The following LARGE1 variants were observed in gnomAD, a reference collection of about 807,000 sequenced individuals.
LARGE1 encodes LARGE xylosyl- and glucuronyltransferase 1.
A neutral mutation model predicts 87.6 loss-of-function variants in LARGE1; 43 were observed. The ratio of observed to expected loss-of-function variants is 0.49; its 90% CI spans 0.38 to 0.63. The LOEUF (loss-of-function observed/expected upper bound fraction) is 0.63. Among genes scored for constraint, LARGE1 ranks in the 30% least tolerant of loss-of-function variants. The pLI is 0.00. For synonymous variants in LARGE1, 434 were observed against 394.6 expected, an observed-to-expected ratio of 1.10 and a Z score of -1.18; for missense variants, 802 against 1,000.2, an observed-to-expected ratio of 0.80 and a Z score of 2.67.
At position 33,330,280 on chromosome 22, in the gene LARGE1, A is replaced by G. The variant is rs373953901; in HGVS notation, c.1287+7366T>C. On this transcript the variant is annotated intron_variant, in intron 10 of 14. Transcript: ENST00000397394. Reference sequence around the variant, plus strand: ...CTCTGATTATCCAACTATGTTCTGGAAGAGTCCTGGGGTTTCTTGGATATT... The same window carrying G: ...CTCTGATTATCCAACTATGTTCTGGGAGAGTCCTGGGGTTTCTTGGATATT... 4.6e-5 allele frequency among the ~76,000 whole-genome samples: 7 copies of G among 152,262 alleles called. No individual in the cohort carries two copies. In the South Asian group the frequency reaches 1.5e-3, roughly 32 times the overall value.
At chr22:33,684,523 G>A (rs965262732) in intron 2 of LARGE1, among the ~76,000 whole-genome samples, 1 of 151,996 alleles carries the variant, frequency 6.6e-6, no homozygotes, top group African/African-American at 2.4e-5. Context: ...CCTGAGTCAC[G>A]CTGCCTATTA....
In LARGE1 at chr22:33,210,626, C is replaced by T. The variant is rs112598382; in HGVS notation, c.1731-43794G>A. On this transcript the variant is annotated intron_variant, in intron 11 of 11. Transcript: ENST00000608642. ...CCCTTAAGTCACCGGCAGACGTGGC[C>T]TGATGGCACCTAGCCTCAAGCCTGA... Among the ~76,000 whole-genome samples the T allele has an allele frequency of 8.5e-5, 13 of 152,390 alleles. No individual in the cohort carries two copies. In the East Asian group the frequency reaches 1.9e-3, roughly 23 times the overall value.
intron 2 of LARGE1, among the ~76,000 whole-genome samples, chr22:33,667,101 A>G (rs1166918727): frequency 6.6e-6 from 1 of 152,244 alleles, no homozygotes; most frequent in Non-Finnish European, 1.5e-5. Flanking sequence ...TATAAGGGTT[A>G]TAATTACTCA....
intron 6 of LARGE1, among the ~76,000 whole-genome samples, chr22:33,554,297 A>G (rs762056): frequency 0.59 from 90,312 of 151,804 alleles, 27,472 homozygotes; most frequent in African/African-American, 0.73. Flanking sequence ...CTGCAGGACC[A>G]CGCACTACAG....
chr22:33,371,110 T>C (rs2064793597), intron 9 of LARGE1, among the ~76,000 whole-genome samples: 1 of 151,268 alleles, frequency 6.6e-6, no homozygotes, highest in South Asian at 2.1e-4. Context: ...ACATGCATTA[T>C]GTTAGATAAT....
intron 1 of LARGE1, among the ~76,000 whole-genome samples, chr22:33,871,747 A>G (rs544086729): frequency 1.2e-4 from 18 of 152,170 alleles, no homozygotes; most frequent in African/African-American, 4.3e-4. Flanking sequence ...TCACTGAAAC[A>G]CTTGATTTTT....
chr22:33,094,004 G>C, the LARGE1 span, among the ~76,000 whole-genome samples: 1 of 151,496 alleles, frequency 6.6e-6, no homozygotes, highest in East Asian at 1.9e-4. Context: ...TGCCTGCCTC[G>C]GTCTCCCAAA....
chr22:33,116,530 A>G, the LARGE1 span, among the ~76,000 whole-genome samples: 9 of 137,408 alleles, frequency 6.5e-5, no homozygotes, highest in Non-Finnish European at 1.3e-4. Flanking sequence ...AATTTTTTGT[A>G]TTTTTTTTTT....
At chr22:33,195,884 A>G (rs1226381083) in intron 11 of LARGE1, among the ~76,000 whole-genome samples, 1 of 150,874 alleles carries the variant, frequency 6.6e-6, no homozygotes, top group Non-Finnish European at 1.5e-5. Context: ...CCTCCCAAGT[A>G]GCTGGGACTA....
chr22:33,327,677 T>C (rs1394394840), intron 10 of LARGE1, among the ~76,000 whole-genome samples: 1 of 152,176 alleles, frequency 6.6e-6, no homozygotes, highest in Non-Finnish European at 1.5e-5. Flanking sequence ...CACCACAACC[T>C]CCTGAGTAGC....
intron 3 of LARGE1, among the ~76,000 whole-genome samples, chr22:33,634,118 G>A (rs941977779): frequency 1.3e-5 from 2 of 152,198 alleles, no homozygotes; most frequent in African/African-American, 4.8e-5. Context: ...TTTCCTGAAT[G>A]AATAAACAGC....
chr22:33,805,904 A>AT (rs2086293974), intron 1 of LARGE1, among the ~76,000 whole-genome samples: 1 of 152,132 alleles, frequency 6.6e-6, no homozygotes, highest in Non-Finnish European at 1.5e-5. Flanking sequence ...CCCTTGCTAC[A>AT]TTTTATGATT....
At chr22:33,270,311 T>TAA (rs11444755), downstream of LARGE1, among the ~76,000 whole-genome samples, 502 of 151,746 alleles carry the variant, frequency 3.3e-3, 1 homozygote, top group African/African-American at 0.012. Flanking sequence ...CCCTTAGGGT[T>TAA]AAAAAAAATG....
At chr22:33,390,106 T>A (rs1398330334) in intron 7 of LARGE1, among the ~76,000 whole-genome samples, 2 of 152,204 alleles carry the variant, frequency 1.3e-5, no homozygotes, top group African/African-American at 4.8e-5. Flanking sequence ...AACCGCAACC[T>A]CTGCCTCTGT....
chr22:33,440,590 C>T (rs2413185), intron 6 of LARGE1, among the ~76,000 whole-genome samples: 96,342 of 152,102 alleles, frequency 0.63, 32,187 homozygotes, highest in African/African-American at 0.86. Context: ...CATTTAATAG[C>T]ACCATTCAAT....
intron 11 of LARGE1, chr22:33,221,900 TAAG>T (rs1925474707): frequency 6.6e-6 from 1 of 152,152 alleles, no homozygotes; most frequent in Non-Finnish European, 1.5e-5. Flanking sequence ...ATGACAGCAA[TAAG>T]AACACCACAG....
Position 33,844,417 on chromosome 22 carries a change from A to G in LARGE1, c.-83+75578T>C, listed in dbSNP as rs537352301. Reference sequence around the variant, plus strand: ...GGAGCTGGGAGCATGCAGTAAGTGCATCTCCAATGGGGCTCTCCTTTCGGT... The same window carrying G: ...GGAGCTGGGAGCATGCAGTAAGTGCGTCTCCAATGGGGCTCTCCTTTCGGT... On this transcript the variant is annotated intron_variant, in intron 1 of 14. Transcript: ENST00000397394. Among the ~76,000 whole-genome samples, 4 of 152,294 alleles carry G rather than the reference A, an allele frequency of 2.6e-5. No individual in the cohort carries two copies. The South Asian group carries it at 8.3e-4, about 32-fold the overall frequency.
intron 1 of LARGE1, among the ~76,000 whole-genome samples, chr22:33,820,213 A>T (rs901951155): frequency 2.6e-5 from 4 of 152,198 alleles, no homozygotes; most frequent in Admixed American, 2.6e-4. Flanking sequence ...GAAAATTTGC[A>T]AAACCCCCCA....
chr22:33,777,535 T>C (rs2085280492), intron 1 of LARGE1, among the ~76,000 whole-genome samples: 1 of 151,232 alleles, frequency 6.6e-6, no homozygotes, highest in African/African-American at 2.4e-5. Context: ...CCCAGCTACT[T>C]GAGAGGCCAA....
Sources: gnomAD v4.1 joint callset for allele counts (sites outside exome capture counted in the v4.1 genomes callset) on GRCh38, gnomAD v4.1.1 for gene constraint, MANE v1.5 for transcripts, NCBI Gene and HGNC (gene_info 2026-07-23, HGNC 2026-07-21) for gene names.